Variants in MYO9B observed in about 807,000 individuals in gnomAD.
MYO9B encodes the protein myosin IXB.
A neutral mutation model predicts 229.5 loss-of-function variants in MYO9B; 71 were observed. That is an observed-to-expected ratio of 0.31 (90% CI 0.26 to 0.38). The LOEUF (loss-of-function observed/expected upper bound fraction) is 0.38. MYO9B is among the 10% of genes least tolerant of loss of function. MYO9B has a pLI of 1.00. For missense variants in MYO9B, 2,255 were observed against 2,920.5 expected, an observed-to-expected ratio of 0.77 and a Z score of 5.25; for synonymous variants, 1,185 against 1,235.8, an observed-to-expected ratio of 0.96 and a Z score of 0.86.
At chr19:17,147,065 T>A (rs2072419750) in intron 3 of MYO9B, among the ~76,000 whole-genome samples, 1 of 152,224 alleles carries the variant, frequency 6.6e-6, no homozygotes, top group Non-Finnish European at 1.5e-5. Context: ...CAGGGGCTGC[T>A]CTGGCCCCTC....
intron 2 of MYO9B, among the ~76,000 whole-genome samples, chr19:17,129,026 C>G (rs967049668): frequency 2.0e-5 from 3 of 152,128 alleles, no homozygotes; most frequent in African/African-American, 7.2e-5. Context: ...CAGGGGAGAT[C>G]AGAAGTTCTG....
At chr19:17,170,841 A>AAG (rs2072717185) in intron 11 of MYO9B, among the ~76,000 whole-genome samples, 2 of 149,640 alleles carry the variant, frequency 1.3e-5, no homozygotes, top group South Asian at 4.2e-4. Context: ...TAAAAAAAAA[A>AAG]AAAAAAAAGT....
At chr19:17,084,821 C>T (rs1429244920) in intron 1 of MYO9B, among the ~76,000 whole-genome samples, 1 of 152,012 alleles carries the variant, frequency 6.6e-6, no homozygotes, top group Non-Finnish European at 1.5e-5. Context: ...AAAACAATCG[C>T]TTGAACCCGG....
At chr19:17,081,108 A>G (rs1294707056) in intron 1 of MYO9B, among the ~76,000 whole-genome samples, 1 of 151,920 alleles carries the variant, frequency 6.6e-6, no homozygotes, top group East Asian at 1.9e-4. Context: ...GCTCACTGCA[A>G]CCTCTGTCTC....
chr19:17,206,896 A>G (rs551213173), intron 34 of MYO9B, 112 bp downstream of exon 34: 7 of 1,241,374 alleles, frequency 5.6e-6, no homozygotes, highest in African/African-American at 4.5e-5. Flanking sequence ...TCGAACCAGG[A>G]TGCAGACCAC....
At position 17,193,118 on chromosome 19, in the gene MYO9B, C is replaced by A; in HGVS notation, c.3128+56C>A. On this transcript the variant is annotated intron_variant, in intron 21 of 39. Coordinates refer to ENST00000682292, the MANE Select transcript of MYO9B (RefSeq NM_004145.4). This position sits in a 1 kb window ranked among gnomAD's most constrained non-coding sequence, Gnocchi z 4.3. ...TATTCCAGAAGCCAAAAAGGTCACT[C>A]ACCAAATTGCTGCCCGTGATATACC... 7.1e-7 allele frequency: 1 copy of A among 1,414,396 alleles called. No individual in the cohort carries two copies. Among genetic ancestry groups the A allele is most frequent in the South Asian group, 1.5e-5 (1 of 66,154 alleles). The allele number at this position is 1,414,396 out of a possible 1,614,324, so 87.6% of individuals were successfully genotyped here. A position where few individuals can be genotyped will look rare whatever the true frequency, so the allele number is the denominator to read the frequency against.
chr19:17,080,416 T>G (rs577169164), intron 1 of MYO9B, among the ~76,000 whole-genome samples: 14 of 152,294 alleles, frequency 9.2e-5, no homozygotes, highest in African/African-American at 3.4e-4. Flanking sequence ...TCCACGCCTC[T>G]CTCTGTTGGC....
chr19:17,116,877 G>A (rs1335007955), intron 2 of MYO9B, among the ~76,000 whole-genome samples: 8 of 152,182 alleles, frequency 5.3e-5, no homozygotes, highest in East Asian at 1.9e-4. Flanking sequence ...GTACTCCCTC[G>A]GCTTCATTTC....
Position 17,200,839 on chromosome 19 carries a change from C to T in MYO9B, c.4563+10C>T, listed in dbSNP as rs368270305. The T allele has an allele frequency of 6.2e-7, 1 of 1,612,178 alleles. No individual in the cohort carries two copies. Among genetic ancestry groups the T allele is most frequent in the East Asian group, 2.2e-5 (1 of 44,848 alleles). On this transcript the variant is annotated intron_variant, in intron 26 of 39. Transcript: ENST00000682292. ...GTTCCTGCTCAACAAGGTGGGATCA[C>T]TAGGCGAGGGCCAGGGGCATGAGGC...
intron 14 of MYO9B, 149 bp downstream of exon 14, chr19:17,175,890 T>C: frequency 1.6e-6 from 1 of 617,240 alleles, no homozygotes; most frequent in South Asian, 2.2e-5. Flanking sequence ...TGGAGTGCAA[T>C]GGCGCAATCT....
intron 38 of MYO9B, among the ~76,000 whole-genome samples, chr19:17,211,184 T>C (rs951776146): frequency 9.2e-5 from 14 of 152,148 alleles, no homozygotes; most frequent in Admixed American, 9.2e-4. Flanking sequence ...TTTCACCACA[T>C]TGGCCAGGCT....
chr19:17,096,722 T>G lies in MYO9B; in HGVS notation c.-58-4938T>G, dbSNP rs1347621978. 2.8e-5 allele frequency among the ~76,000 whole-genome samples: 4 copies of G among 143,912 alleles called. No individual in the cohort carries two copies. The South Asian group carries it at 6.9e-4, about 25-fold the overall frequency. The allele number at this position is 143,912 out of a possible 152,430, so 94.4% of individuals were successfully genotyped here. A position where few individuals can be genotyped will look rare whatever the true frequency, so the allele number is the denominator to read the frequency against. On this transcript the variant is annotated intron_variant, in intron 1 of 39. Transcript: ENST00000682292. ...TTGTTGTTGGTTTTTTTTTTTTTTT[T>G]GGAGACGGAGTCTCGCTCTGTCGCC...
chr19:17,210,964 T>C (rs1002037859), intron 38 of MYO9B, 116 bp downstream of exon 38: 5 of 750,352 alleles, frequency 6.7e-6, no homozygotes, highest in South Asian at 1.8e-5. Flanking sequence ...TCCCTAACAC[T>C]GGGCAAACAA....
Position 17,159,484 on chromosome 19 carries a change from G to A in MYO9B, c.1419G>A (p.Glu473=), listed in dbSNP as rs1442558480. ...TTATCCTTCCCTACAGCCTCAGCGA[G>A]GTGAGCTCTGCCCAGGCACTCACAG... is the stretch of plus-strand genomic sequence containing the variant. ...DKLILPYSLS[E]AITARDSMAK... Residue 473 remains glutamate (E), a splice_region_variant and synonymous_variant, in exon 8 of 40, where the codon GAG becomes GAA. Transcript: ENST00000682292. 1.2e-6 allele frequency: 2 copies of A among 1,606,168 alleles called. No individual in the cohort carries two copies. Among genetic ancestry groups the A allele is most frequent in the Non-Finnish European group, 1.7e-6 (2 of 1,176,420 alleles).
intron 2 of MYO9B, among the ~76,000 whole-genome samples, chr19:17,107,911 G>A (rs2057807587): frequency 6.6e-6 from 1 of 152,132 alleles, no homozygotes; most frequent in Non-Finnish European, 1.5e-5. Context: ...TTTGGGGGCG[G>A]GGGGCTCAAG....
chr19:17,160,988 G>T (rs11878590), intron 8 of MYO9B, among the ~76,000 whole-genome samples: 57,983 of 151,618 alleles, frequency 0.38, 11,577 homozygotes, highest in African/African-American at 0.51. Context: ...CGTGAGCCAC[G>T]GTGCCCAGAT....
chr19:17,077,478 C>G (rs1176809652), intron 1 of MYO9B, among the ~76,000 whole-genome samples: 3 of 152,220 alleles, frequency 2.0e-5, no homozygotes, highest in African/African-American at 7.2e-5. Flanking sequence ...TAGGCTTGCA[C>G]TGGCCTACAG....
intron 7 of MYO9B, 143 bp from the exon 8 acceptor site, chr19:17,159,252 T>C: frequency 1.5e-6 from 1 of 689,484 alleles, no homozygotes. Context: ...TGGGTGGGCT[T>C]CAGGTCCCAC....
At chr19:17,203,350 C>T in intron 30 of MYO9B, 92 bp downstream of exon 30, 1 of 964,514 alleles carries the variant, frequency 1.0e-6, no homozygotes, top group Non-Finnish European at 1.6e-6. Context: ...CGGGGTGGCT[C>T]ACACCTGTAA....
Sources: allele counts gnomAD v4.1 joint callset (sites outside exome capture counted in the v4.1 genomes callset), GRCh38; gene constraint gnomAD v4.1.1; non-coding constraint Gnocchi (gnomAD v3.1); transcripts MANE v1.5; gene names NCBI Gene and HGNC (gene_info 2026-07-23, HGNC 2026-07-21).